SLC9B1: variants seen among roughly 807,000 people sequenced by gnomAD.
The protein encoded by SLC9B1 is sodium/hydrogen exchanger 9B1.
In SLC9B1, 32 loss-of-function variants were observed where a neutral mutation model predicts 51.7. That is an observed-to-expected ratio of 0.62 (90% CI 0.47 to 0.83). The LOEUF (loss-of-function observed/expected upper bound fraction) is 0.83, where lower values mean the gene tolerates loss of function less well. SLC9B1 is among the 40% of genes least tolerant of loss of function. The pLI, the probability that SLC9B1 is intolerant of heterozygous loss-of-function variation, is 0.00. For synonymous variants in SLC9B1, 145 were observed against 212.7 expected, an observed-to-expected ratio of 0.68 and a Z score of 2.77; for missense variants, 406 against 613.2, an observed-to-expected ratio of 0.66 and a Z score of 3.57.
intron 2 of SLC9B1, among the ~76,000 whole-genome samples, chr4:102,990,808 T>C (rs1352946676): frequency 2.0e-5 from 3 of 152,008 alleles, no homozygotes; most frequent in Admixed American, 6.5e-5. Flanking sequence ...TTACATGTAA[T>C]GACTAAGGAG....
chr4:103,004,916 A>T (rs1275134060), intron 1 of SLC9B1, among the ~76,000 whole-genome samples: 1 of 152,232 alleles, frequency 6.6e-6, no homozygotes, highest in Non-Finnish European at 1.5e-5. Context: ...GATGTGCCTT[A>T]CAAGAGGTCC....
chr4:102,978,499 G>A (rs1739193121), intron 3 of SLC9B1, among the ~76,000 whole-genome samples: 1 of 152,084 alleles, frequency 6.6e-6, no homozygotes, highest in South Asian at 2.1e-4. Context: ...TCAACCAGTG[G>A]GCGAAGGATA....
intron 3 of SLC9B1, among the ~76,000 whole-genome samples, chr4:102,974,108 GT>G (rs1738906616): frequency 6.6e-6 from 1 of 151,714 alleles, no homozygotes; most frequent in Non-Finnish European, 1.5e-5. Flanking sequence ...GTGGTGGCAG[GT>G]GCCTATAATC....
At chr4:102,995,923 G>GT (rs1740191160) in intron 1 of SLC9B1, among the ~76,000 whole-genome samples, 1 of 152,014 alleles carries the variant, frequency 6.6e-6, no homozygotes, top group Admixed American at 6.5e-5. Context: ...ACTCTATGAG[G>GT]TATTTAATAC....
At chr4:102,978,128 C>T (rs548965615) in intron 3 of SLC9B1, among the ~76,000 whole-genome samples, 3 of 152,208 alleles carry the variant, frequency 2.0e-5, no homozygotes, top group South Asian at 2.1e-4. Context: ...TCCCTACAAA[C>T]GACATGAACT....
chr4:102,921,003 G>A (rs2110443474), intron 7 of SLC9B1, among the ~76,000 whole-genome samples: 1 of 152,286 alleles, frequency 6.6e-6, no homozygotes, highest in Admixed American at 6.5e-5. Flanking sequence ...TATTATCCAG[G>A]AGAACTTCCC....
intron 11 of SLC9B1, chr4:102,890,868 T>C (rs1734213533): frequency 1.5e-5 from 2 of 136,332 alleles, no homozygotes; most frequent in Admixed American, 7.3e-5. Flanking sequence ...TTTTTTTTTT[T>C]CATCTAATCA....
In SLC9B1 at chr4:103,000,724, C is replaced by A. The variant is rs551037373; in HGVS notation, c.-1-9012G>T. ...ACTCCCATGGCCTAGGGCAGCTCTG[C>A]CTCTGTGGCTTGGCAGGGTATAGCT... On this transcript the variant is annotated intron_variant, in intron 1 of 11. Coordinates refer to ENST00000296422, the MANE Select transcript of SLC9B1 (RefSeq NM_139173.4). Among the ~76,000 whole-genome samples, 10 of 152,336 alleles carry A rather than the reference C, an allele frequency of 6.6e-5. No homozygotes were observed. In the South Asian group the frequency reaches 2.1e-3, roughly 32 times the overall value.
intron 1 of SLC9B1, among the ~76,000 whole-genome samples, chr4:103,008,562 TG>T (rs796655029): frequency 5.3e-5 from 8 of 151,972 alleles, no homozygotes; most frequent in Middle Eastern, 3.4e-3. Flanking sequence ...TTTTATTTTT[TG>T]GAAGAGATGG....
Position 102,978,607 on chromosome 4 carries a change from C to T in SLC9B1, c.211+11193G>A, listed in dbSNP as rs997345755. ...ATCAAAGAAATGCAAATCGAAACCA[C>T]GATGAGATACCATCTCACACCAGTT... On this transcript the variant is annotated intron_variant, in intron 3 of 11. Coordinates refer to ENST00000296422, the MANE Select transcript of SLC9B1 (RefSeq NM_139173.4). 1.5e-4 allele frequency among the ~76,000 whole-genome samples: 23 copies of T among 152,094 alleles called. 1 individual carries two copies. Among genetic ancestry groups the T allele is most frequent in the Admixed American group, 5.2e-4 (8 of 15,256 alleles).
intron 3 of SLC9B1, among the ~76,000 whole-genome samples, chr4:102,958,434 A>C (rs1486453144): frequency 6.6e-6 from 1 of 152,172 alleles, no homozygotes; most frequent in East Asian, 1.9e-4. Flanking sequence ...TAAATTATCG[A>C]GTCTCAGGTA....
chr4:102,894,820 C>T (rs1158622534), intron 11 of SLC9B1, among the ~76,000 whole-genome samples: 21 of 151,992 alleles, frequency 1.4e-4, no homozygotes, highest in Non-Finnish European at 2.4e-4. Context: ...TTGGGCTTGG[C>T]GCATGCTTAT....
intron 7 of SLC9B1, among the ~76,000 whole-genome samples, chr4:102,912,840 C>T (rs1578340298): frequency 2.6e-5 from 4 of 152,150 alleles, no homozygotes; most frequent in Admixed American, 2.6e-4. Context: ...GCTGACAGAG[C>T]AAGATCCTGT....
At position 102,951,514 on chromosome 4, in the gene SLC9B1, A is replaced by G. The variant is rs1214249752; in HGVS notation, c.212-2087T>C. ...AATTTTTAAAAATTGGAGACATGAG[A>G]AGAAGAAATTACTTGAAAGCATTGT... On this transcript the variant is annotated intron_variant, in intron 3 of 11. Coordinates refer to ENST00000296422, the MANE Select transcript of SLC9B1 (RefSeq NM_139173.4). Among the ~76,000 whole-genome samples the G allele has an allele frequency of 6.6e-5, 10 of 152,194 alleles. 1 individual carries two copies. Among genetic ancestry groups the G allele is most frequent in the African/African-American group, 2.4e-4 (10 of 41,542 alleles).
At chr4:102,894,846 G>C (rs1734459983) in intron 11 of SLC9B1, among the ~76,000 whole-genome samples, 1 of 152,060 alleles carries the variant, frequency 6.6e-6, no homozygotes, top group African/African-American at 2.4e-5. Context: ...CAGGTACTTG[G>C]GAGGCTGAGG....
Position 102,932,271 on chromosome 4 carries a change from C to A in SLC9B1, c.682G>T (p.Val228Phe). Residue 228 changes from valine (V) to phenylalanine (F), a missense_variant, in exon 7 of 12, where the codon GTT becomes TTT. Around this residue, in one of 6 missense-constraint regions of SLC9B1, gnomAD observed 250 missense variants for 394.1 expected, o/e 0.63. Transcript: ENST00000296422. ...AGCACCATCATGTAAGGGACAACAACAGCAGGAGAGACAGCACCTAGAACA... is the reference window on the plus strand; with the variant it reads ...AGCACCATCATGTAAGGGACAACAAAAGCAGGAGAGACAGCACCTAGAACA... ...GFVLGAVSPA[V>F]VVPYMMVLQE... is the part of the protein sequence containing the mutation. The A allele has an allele frequency of 6.2e-7, 1 of 1,611,826 alleles. No individual in the cohort carries two copies. The highest frequency in any genetic ancestry group is 8.5e-7 in the Non-Finnish European group (1 of 1,179,776).
intron 1 of SLC9B1, among the ~76,000 whole-genome samples, chr4:102,993,696 A>G (rs897219473): frequency 6.6e-6 from 1 of 152,186 alleles, no homozygotes; most frequent in Non-Finnish European, 1.5e-5. Context: ...GTTCTCCATG[A>G]GGGCTCTGCC....
chr4:103,009,825 C>T (rs1299996985), intron 1 of SLC9B1, among the ~76,000 whole-genome samples: 3 of 152,150 alleles, frequency 2.0e-5, no homozygotes, highest in Non-Finnish European at 2.9e-5. Context: ...TTATAAACAA[C>T]CACAGTATAC....
downstream of SLC9B1, among the ~76,000 whole-genome samples, chr4:102,898,555 G>A (rs906637081): frequency 9.2e-5 from 14 of 152,118 alleles, no homozygotes; most frequent in Non-Finnish European, 1.3e-4. Context: ...TTTGTAATTC[G>A]TTAGTGTGGA....
Sources: allele counts gnomAD v4.1 joint callset (sites outside exome capture counted in the v4.1 genomes callset), GRCh38; gene constraint gnomAD v4.1.1; regional missense constraint gnomAD v4.1.1; transcripts MANE v1.5; gene names NCBI Gene and HGNC (gene_info 2026-07-23, HGNC 2026-07-21).